APOLD1: variants seen among roughly 807,000 people sequenced by gnomAD.
APOLD1 encodes the protein apolipoprotein L domain containing 1.
Under a neutral mutation model 15.3 loss-of-function variants are expected in APOLD1, and 22 were observed. The observed-to-expected ratio is 1.44, with a 90% CI of 1.03 to 2.05. The LOEUF (loss-of-function observed/expected upper bound fraction) is 2.05. APOLD1 is among the 30% of genes most tolerant of loss of function. APOLD1 has a pLI of 0.00. For missense variants in APOLD1, 394 were observed against 353.5 expected (o/e 1.11, Z -0.92); for synonymous variants, 190 against 167.4 (o/e 1.13, Z -1.04).
At chr12:12,750,374 A>T (rs1483065250) in intron 1 of APOLD1, among the ~76,000 whole-genome samples, 8 of 113,594 alleles carry the variant, frequency 7.0e-5, no homozygotes, top group African/African-American at 4.6e-4. Context: ...CTCTGTCTCA[A>T]AAAAAAAAAA....
intron 1 of APOLD1, among the ~76,000 whole-genome samples, chr12:12,733,322 CAA>C (rs892018413): frequency 1.4e-5 from 2 of 139,464 alleles, no homozygotes; most frequent in Admixed American, 7.1e-5. Flanking sequence ...AAGACTGTCT[CAA>C]AAAAAAAAAA....
intron 1 of APOLD1, among the ~76,000 whole-genome samples, chr12:12,754,830 A>C (rs1361346187): frequency 6.6e-6 from 1 of 150,834 alleles, no homozygotes. Context: ...GCTTGAGGCC[A>C]GCAGTTTGAG....
Position 12,787,685 on chromosome 12 carries a change from C to T in APOLD1, c.*33C>T. 6.5e-7 allele frequency: 1 copy of T among 1,546,006 alleles called. No homozygotes were observed. The highest frequency in any genetic ancestry group is 8.7e-7 in the Non-Finnish European group (1 of 1,151,312). ...CTTTCCCCCTAATGACCGAGGCCAG[C>T]AAATCATCCTCATGGGATGCTCCAG... On this transcript the variant is annotated 3_prime_UTR_variant, in exon 2 of 2. Transcript: ENST00000356591. The surrounding 1 kb of genome is among the most constrained non-coding windows in gnomAD (Gnocchi z 4.9).
chr12:12,786,496 G>A (rs187631682), intron 1 of APOLD1, among the ~76,000 whole-genome samples: 1 of 152,200 alleles, frequency 6.6e-6, no homozygotes, highest in African/African-American at 2.4e-5. Flanking sequence ...CATGATGAAA[G>A]GGCTTTGTAA....
chr12:12,734,668 A>G (rs558706108), intron 1 of APOLD1, among the ~76,000 whole-genome samples: 1 of 152,328 alleles, frequency 6.6e-6, no homozygotes, highest in Non-Finnish European at 1.5e-5. Context: ...GCCACAAACC[A>G]CATATTCAGA....
At chr12:12,746,123 A>G (rs966413798) in intron 1 of APOLD1, among the ~76,000 whole-genome samples, 1 of 152,144 alleles carries the variant, frequency 6.6e-6, no homozygotes, top group Admixed American at 6.5e-5. Context: ...AGTGACCAAG[A>G]GAGAACAAAA....
chr12:12,731,758 C>T (rs1946643224), intron 1 of APOLD1, among the ~76,000 whole-genome samples: 1 of 152,154 alleles, frequency 6.6e-6, no homozygotes, highest in African/African-American at 2.4e-5. Context: ...CAAAGACGGC[C>T]ATTATTCTTT....
intron 1 of APOLD1, among the ~76,000 whole-genome samples, chr12:12,744,370 C>T (rs981501578): frequency 1.3e-5 from 2 of 149,404 alleles, no homozygotes; most frequent in South Asian, 2.1e-4. Flanking sequence ...GCACTGTGGG[C>T]GGCTGAGGTG....
intron 1 of APOLD1, among the ~76,000 whole-genome samples, chr12:12,758,794 A>G (rs1297510216): frequency 6.6e-6 from 1 of 152,180 alleles, no homozygotes; most frequent in Admixed American, 6.5e-5. Context: ...TCTTAACCAC[A>G]GATCTTAGCA....
chr12:12,737,662 C>T (rs138224179), intron 1 of APOLD1, among the ~76,000 whole-genome samples: 79 of 152,254 alleles, frequency 5.2e-4, no homozygotes, highest in African/African-American at 1.9e-3. Flanking sequence ...AGAGAGAGTA[C>T]TGATAGAAAG....
chr12:12,756,220 CCTT>C (rs1946856943), intron 1 of APOLD1, among the ~76,000 whole-genome samples: 2 of 152,206 alleles, frequency 1.3e-5, no homozygotes, highest in Admixed American at 1.3e-4. Flanking sequence ...GTGTTTTTAA[CCTT>C]CTGTTAATGC....
chr12:12,786,990 G>T lies in APOLD1; in HGVS notation c.85G>T (p.Gly29Cys). 7.0e-7 allele frequency: 1 copy of T among 1,424,412 alleles called. No homozygotes were observed. The highest frequency in any genetic ancestry group is 1.5e-5 in the South Asian group (1 of 68,216). The allele number at this position is 1,424,412 out of a possible 1,614,324, so 88.2% of individuals were successfully genotyped here. A position where few individuals can be genotyped will look rare whatever the true frequency, so the allele number is the denominator to read the frequency against. Residue 29 changes from glycine to cysteine, a missense_variant, in exon 2 of 2, where the codon GGC becomes TGC. By Grantham distance (159) the Gly-to-Cys change is radical. Coordinates refer to ENST00000356591, the MANE Select transcript of APOLD1 (RefSeq NM_030817.3). ...CCAGGGACTGCTGCTGGACCGCCGAGGCCGGCTGCACGGCCAGGTGCTGCG... is the reference window on the plus strand; with the variant it reads ...CCAGGGACTGCTGCTGGACCGCCGATGCCGGCTGCACGGCCAGGTGCTGCG... ...RFQGLLLDRRGRLHGQVLRLR... is the reference protein window; with the variant it reads ...RFQGLLLDRRCRLHGQVLRLR...
At chr12:12,768,541 A>G (rs1324721907) in intron 1 of APOLD1, among the ~76,000 whole-genome samples, 1 of 152,014 alleles carries the variant, frequency 6.6e-6, no homozygotes, top group Non-Finnish European at 1.5e-5. Context: ...AGTCCCAGCT[A>G]CTCAGGAGGT....
At chr12:12,727,754 T>C (rs1005119020) in intron 1 of APOLD1, among the ~76,000 whole-genome samples, 19 of 137,882 alleles carry the variant, frequency 1.4e-4, no homozygotes, top group African/African-American at 5.0e-4. Flanking sequence ...ATGTGTGCTC[T>C]GAAACCTTTT....
In APOLD1 at chr12:12,787,494, G is replaced by T; in HGVS notation, c.589G>T (p.Ala197Ser). Residue 197 changes from alanine (A) to serine (S), a missense_variant, in exon 2 of 2, where the codon GCC becomes TCC. Transcript: ENST00000356591. This position sits in a 1 kb window ranked among gnomAD's most constrained non-coding sequence, Gnocchi z 4.9. ...CAAGGTTAGCCAGGCCGTGCTGAAG[G>T]CCAAGATTCAGAAACTGGCCGAGAG... ...DTKVSQAVLK[A>S]KIQKLAESLE... 6.2e-7 allele frequency: 1 copy of T among 1,614,154 alleles called. No individual in the cohort carries two copies. Among genetic ancestry groups the T allele is most frequent in the Non-Finnish European group, 8.5e-7 (1 of 1,180,048 alleles).
At chr12:12,772,204 C>T (rs1946993449) in intron 1 of APOLD1, among the ~76,000 whole-genome samples, 1 of 152,130 alleles carries the variant, frequency 6.6e-6, no homozygotes, top group Non-Finnish European at 1.5e-5. Context: ...AAGAGATTGT[C>T]AGACTGGATC....
Position 12,787,378 on chromosome 12 carries a change from A to G in APOLD1, c.473A>G (p.Asn158Ser). 6 of 1,614,052 alleles carry G rather than the reference A, an allele frequency of 3.7e-6. No individual in the cohort carries two copies. In the South Asian group the frequency reaches 6.6e-5, roughly 18 times the overall value. The change falls in exon 2 of 2, where the codon AAC becomes AGC. Residue 158 changes from asparagine (N) to serine (S), a missense_variant. By Grantham distance (46) the Asn-to-Ser change is conservative. Transcript: ENST00000356591. The surrounding 1 kb of genome is among the most constrained non-coding windows in gnomAD (Gnocchi z 4.9). ...CGCCAGCTGCTGCAGTGCGGGAGGA[A>G]CGCCTCCATCGCCCTGTACAATTCT... ...GDRQLLQCGR[N>S]ASIALYNSVY...
intron 1 of APOLD1, among the ~76,000 whole-genome samples, chr12:12,774,544 T>C (rs1213746690): frequency 8.7e-5 from 2 of 22,864 alleles, no homozygotes; most frequent in African/African-American, 2.1e-4. Context: ...AGACTCTAAC[T>C]CCAAAAAAAA....
chr12:12,787,267 A>T lies in APOLD1; in HGVS notation c.362A>T (p.Gln121Leu), dbSNP rs897705637. Residue 121 changes from glutamine to leucine, a missense_variant, in exon 2 of 2, where the codon CAG becomes CTG. Coordinates refer to ENST00000356591, the MANE Select transcript of APOLD1 (RefSeq NM_030817.3). This position sits in a 1 kb window ranked among gnomAD's most constrained non-coding sequence, Gnocchi z 4.9. ...AACTCCCGGGAGCTGCGGAGGGTGC[A>T]GGAGATCGCGGCCACCTGCCAGGAC... ...FCNSRELRRV[Q>L]EIAATCQDQM... 11 of 1,596,754 alleles carry T rather than the reference A, an allele frequency of 6.9e-6. No individual in the cohort carries two copies. The highest frequency in any genetic ancestry group is 9.4e-6 in the Non-Finnish European group (11 of 1,173,240).
Sources: gnomAD v4.1 joint callset for allele counts (sites outside exome capture counted in the v4.1 genomes callset) on GRCh38, gnomAD v4.1.1 for gene constraint, Gnocchi (gnomAD v3.1) non-coding constraint, MANE v1.5 for transcripts, NCBI Gene and HGNC (gene_info 2026-07-23, HGNC 2026-07-21) for gene names.